Variants in ESRRG observed in about 807,000 individuals in gnomAD.
ESRRG encodes the protein estrogen related receptor gamma.
In ESRRG, 13 loss-of-function variants were observed where a neutral mutation model predicts 44.0. That is an observed-to-expected ratio of 0.30 (90% CI 0.19 to 0.47). The LOEUF is 0.47. ESRRG is among the 20% of genes least tolerant of loss of function. ESRRG has a pLI of 1.00. For synonymous variants in ESRRG, 215 were observed against 214.6 expected, an observed-to-expected ratio of 1.00 and a Z score of -0.02; for missense variants, 395 against 580.6, an observed-to-expected ratio of 0.68 and a Z score of 3.29.
chr1:216,723,445 C>A, upstream of ESRRG: 1 of 711,260 alleles, frequency 1.4e-6, no homozygotes, highest in Admixed American at 2.3e-5. Flanking sequence ...CTCTCCTAAT[C>A]AAGGACTTAA....
intron 2 of ESRRG, among the ~76,000 whole-genome samples, chr1:216,844,457 G>C (rs982074563): frequency 2.6e-5 from 4 of 152,024 alleles, no homozygotes; most frequent in Non-Finnish European, 4.4e-5. Flanking sequence ...GAGTCTAAAA[G>C]GTCCTACGTG....
upstream of ESRRG, among the ~76,000 whole-genome samples, chr1:217,094,301 T>C (rs2092393126): frequency 6.6e-6 from 1 of 152,258 alleles, no homozygotes; most frequent in South Asian, 2.1e-4. Context: ...TCAAATCGTA[T>C]AGACCTAATT....
chr1:217,100,881 T>G (rs766010864), intron 1 of ESRRG, among the ~76,000 whole-genome samples: 1 of 152,182 alleles, frequency 6.6e-6, no homozygotes, highest in African/African-American at 2.4e-5. Context: ...ACCTTGGGGA[T>G]TACATTTCAA....
At chr1:216,571,825 GA>G (rs1489448808) in intron 3 of ESRRG, among the ~76,000 whole-genome samples, 2 of 152,130 alleles carry the variant, frequency 1.3e-5, no homozygotes, top group East Asian at 1.9e-4. Flanking sequence ...TATGATAGTA[GA>G]AAAATGATTA....
intron 2 of ESRRG, among the ~76,000 whole-genome samples, chr1:216,652,369 A>C (rs2069216672): frequency 6.6e-6 from 1 of 152,186 alleles, no homozygotes; most frequent in Non-Finnish European, 1.5e-5. Flanking sequence ...CTCCTCATTA[A>C]ATATCACATT....
At chr1:216,988,909 T>C (rs139118645) in intron 1 of ESRRG, among the ~76,000 whole-genome samples, 34 of 152,326 alleles carry the variant, frequency 2.2e-4, no homozygotes, top group Non-Finnish European at 4.3e-4. Flanking sequence ...GCCTCATGTT[T>C]TGAAGTACTT....
At chr1:216,786,515 C>T (rs901062511) in intron 2 of ESRRG, among the ~76,000 whole-genome samples, 4 of 152,038 alleles carry the variant, frequency 2.6e-5, no homozygotes, top group African/African-American at 4.8e-5. Flanking sequence ...CAAACAAATA[C>T]ATTGAGAAAG....
intron 2 of ESRRG, among the ~76,000 whole-genome samples, chr1:216,762,742 A>T (rs997019484): frequency 6.6e-6 from 1 of 151,958 alleles, no homozygotes; most frequent in Non-Finnish European, 1.5e-5. Context: ...AAAAAGAATG[A>T]GCACCCTGTA....
chr1:216,887,078 A>T (rs2096527402), intron 2 of ESRRG, among the ~76,000 whole-genome samples: 1 of 152,002 alleles, frequency 6.6e-6, no homozygotes, highest in Non-Finnish European at 1.5e-5. Flanking sequence ...AGTTATCCAC[A>T]ACTCTTTAAG....
chr1:216,624,806 T>C (rs894260400), intron 3 of ESRRG, among the ~76,000 whole-genome samples: 8 of 152,158 alleles, frequency 5.3e-5, no homozygotes, highest in African/African-American at 1.9e-4. Flanking sequence ...AAACTCATGA[T>C]GAATATAAGT....
intron 1 of ESRRG, among the ~76,000 whole-genome samples, chr1:217,003,054 G>A (rs2077250643): frequency 6.6e-6 from 1 of 152,130 alleles, no homozygotes; most frequent in South Asian, 2.1e-4. Flanking sequence ...GTTAGCTACT[G>A]TTCAAAACAT....
At chr1:217,063,554 A>T (rs912016534) in intron 1 of ESRRG, among the ~76,000 whole-genome samples, 6 of 152,168 alleles carry the variant, frequency 3.9e-5, no homozygotes, top group Admixed American at 1.3e-4. Context: ...GGCTGCTTAT[A>T]AACTGGGATA....
At chr1:216,688,232 G>A (rs1397181983) in intron 1 of ESRRG, among the ~76,000 whole-genome samples, 1 of 152,186 alleles carries the variant, frequency 6.6e-6, no homozygotes, top group Admixed American at 6.5e-5. Context: ...ATAGAAGCAG[G>A]TTTCAGTGAG....
At chr1:217,014,598 A>T (rs995187247) in intron 1 of ESRRG, among the ~76,000 whole-genome samples, 1 of 152,192 alleles carries the variant, frequency 6.6e-6, no homozygotes. Flanking sequence ...AAAGGCATCC[A>T]ACAGTCATCC....
chr1:217,117,576 C>A (rs2092747545), intron 1 of ESRRG, among the ~76,000 whole-genome samples: 1 of 151,820 alleles, frequency 6.6e-6, no homozygotes, highest in African/African-American at 2.4e-5. Context: ...CAGAGCGAGA[C>A]CCTGTCTCCA....
intron 2 of ESRRG, among the ~76,000 whole-genome samples, chr1:216,783,659 G>C (rs1240897982): frequency 6.6e-6 from 1 of 151,780 alleles, no homozygotes; most frequent in Non-Finnish European, 1.5e-5. Context: ...TCCTCAATTG[G>C]TCACAAATTC....
intron 1 of ESRRG, among the ~76,000 whole-genome samples, chr1:216,716,818 A>C (rs1335807233): frequency 6.6e-6 from 1 of 151,934 alleles, no homozygotes; most frequent in Non-Finnish European, 1.5e-5. Context: ...TGTTTGAAAG[A>C]ATTCCATATA....
intron 2 of ESRRG, among the ~76,000 whole-genome samples, chr1:216,846,330 A>T (rs925135837): frequency 6.6e-6 from 1 of 152,162 alleles, no homozygotes; most frequent in Admixed American, 6.6e-5. Context: ...AGAAATTACT[A>T]GGTTATTTTT....
intron 1 of ESRRG, among the ~76,000 whole-genome samples, chr1:217,073,397 C>T (rs534466801): frequency 1.4e-4 from 21 of 152,126 alleles, no homozygotes; most frequent in African/African-American, 4.3e-4. Context: ...CTTGGAGTTT[C>T]AAAGCTTTCA....
Sources: allele counts gnomAD v4.1 joint callset (sites outside exome capture counted in the v4.1 genomes callset), GRCh38; gene constraint gnomAD v4.1.1; transcripts MANE v1.5; gene names NCBI Gene and HGNC (gene_info 2026-07-23, HGNC 2026-07-21).